GRIA1: variants seen among roughly 807,000 people sequenced by gnomAD.
The protein encoded by GRIA1 is glutamate ionotropic receptor AMPA type subunit 1, also known as glutamate receptor 1.
In GRIA1, 31 loss-of-function variants were observed where a neutral mutation model predicts 99.2. The observed-to-expected ratio is 0.31, with a 90% CI of 0.23 to 0.42. GRIA1 has a LOEUF of 0.42. GRIA1 is among the 10% of genes least tolerant of loss of function. The pLI is 1.00. For synonymous variants in GRIA1, 438 were observed against 432.4 expected (o/e 1.01, Z -0.16); for missense variants, 782 against 1,157.5 (o/e 0.68, Z 4.71).
At chr5:153,685,026 G>A (rs565998846) in intron 7 of GRIA1, among the ~76,000 whole-genome samples, 52 of 152,158 alleles carry the variant, frequency 3.4e-4, no homozygotes, top group African/African-American at 1.0e-3. Flanking sequence ...CTTCTTATAC[G>A]TTCTAACAAC....
At chr5:153,606,671 A>G (rs975935057) in intron 2 of GRIA1, among the ~76,000 whole-genome samples, 1 of 151,944 alleles carries the variant, frequency 6.6e-6, no homozygotes, top group Admixed American at 6.6e-5. Flanking sequence ...TTAAAATATT[A>G]TGTCATAATT....
chr5:153,651,189 G>T (rs1180068942), intron 4 of GRIA1, among the ~76,000 whole-genome samples: 1 of 152,162 alleles, frequency 6.6e-6, no homozygotes, highest in Non-Finnish European at 1.5e-5. Flanking sequence ...TTCGACTCTG[G>T]ACTCTGTCAC....
chr5:153,664,564 C>T (rs1219242966), intron 5 of GRIA1, among the ~76,000 whole-genome samples: 2 of 151,970 alleles, frequency 1.3e-5, no homozygotes, highest in African/African-American at 4.8e-5. Flanking sequence ...CCCTGAGCTC[C>T]AAGATCAAGT....
intron 11 of GRIA1, among the ~76,000 whole-genome samples, chr5:153,722,691 A>G (rs1276368434): frequency 6.6e-6 from 1 of 152,210 alleles, no homozygotes; most frequent in Admixed American, 6.5e-5. Context: ...GTATTACCTT[A>G]TCTTAACTAC....
intron 2 of GRIA1, among the ~76,000 whole-genome samples, chr5:153,629,986 A>C (rs1297550466): frequency 6.6e-6 from 1 of 152,194 alleles, no homozygotes; most frequent in East Asian, 1.9e-4. Flanking sequence ...GTTGCAAGGT[A>C]GTTTAGCAAA....
At chr5:153,606,648 AT>A (rs1434535239) in intron 2 of GRIA1, among the ~76,000 whole-genome samples, 2 of 152,010 alleles carry the variant, frequency 1.3e-5, no homozygotes, top group Non-Finnish European at 2.9e-5. Flanking sequence ...TTTTGATATT[AT>A]AAAAAGTGTT....
At chr5:153,800,455 G>A (rs776942118) in intron 14 of GRIA1, among the ~76,000 whole-genome samples, 11 of 152,214 alleles carry the variant, frequency 7.2e-5, no homozygotes, top group Non-Finnish European at 1.3e-4. Context: ...ACCAAGCACT[G>A]AACTCATTTT....
chr5:153,564,436 A>C (rs967472613), intron 2 of GRIA1, among the ~76,000 whole-genome samples: 3 of 152,184 alleles, frequency 2.0e-5, no homozygotes, highest in Admixed American at 2.0e-4. Context: ...TTGCCCCCAA[A>C]CTCGGTGACT....
At chr5:153,571,984 A>C (rs1056020602) in intron 2 of GRIA1, among the ~76,000 whole-genome samples, 2 of 152,198 alleles carry the variant, frequency 1.3e-5, no homozygotes, top group African/African-American at 4.8e-5. Context: ...AAGTCATATA[A>C]GAGCCTTTTA....
intron 11 of GRIA1, among the ~76,000 whole-genome samples, chr5:153,717,800 T>C (rs1759772796): frequency 6.6e-6 from 1 of 152,162 alleles, no homozygotes; most frequent in Non-Finnish European, 1.5e-5. Context: ...CTTCTGGGAT[T>C]CAAAGGGTCC....
chr5:153,668,542 A>G (rs1362623113), intron 5 of GRIA1, among the ~76,000 whole-genome samples: 3 of 152,292 alleles, frequency 2.0e-5, no homozygotes, highest in Middle Eastern at 3.4e-3. Context: ...GTAAATTACT[A>G]TTTTCTATAT....
intron 2 of GRIA1, among the ~76,000 whole-genome samples, chr5:153,534,538 G>A (rs1363371969): frequency 1.3e-5 from 2 of 152,220 alleles, no homozygotes; most frequent in African/African-American, 2.4e-5. Flanking sequence ...CTCCAGTCAT[G>A]GGATGGATAC....
chr5:153,502,493 C>T lies in GRIA1; in HGVS notation c.220+8428C>T, dbSNP rs543672310. 1.2e-4 allele frequency among the ~76,000 whole-genome samples: 19 copies of T among 152,276 alleles called. No individual in the cohort carries two copies. In the South Asian group the frequency reaches 1.5e-3, roughly 12 times the overall value. On this transcript the variant is annotated intron_variant, in intron 2 of 15. Coordinates refer to ENST00000285900, the MANE Select transcript of GRIA1 (RefSeq NM_000827.4). ...AATCAGGTGTAAGTCCAATTGAAAG[C>T]TCATTTTAGCTCCCGCTGGACTATT...
At chr5:153,678,106 C>T (rs1403218926) in intron 7 of GRIA1, among the ~76,000 whole-genome samples, 3 of 152,202 alleles carry the variant, frequency 2.0e-5, no homozygotes, top group African/African-American at 7.2e-5. Flanking sequence ...ACCCACCCTC[C>T]CCAACAAATG....
chr5:153,501,250 C>G (rs1202156620), intron 2 of GRIA1, among the ~76,000 whole-genome samples: 1 of 152,112 alleles, frequency 6.6e-6, no homozygotes, highest in Non-Finnish European at 1.5e-5. Flanking sequence ...GAAAGCAGCC[C>G]TGTGCTCATG....
chr5:153,710,072 T>C (rs1174696678), intron 11 of GRIA1, among the ~76,000 whole-genome samples: 1 of 152,308 alleles, frequency 6.6e-6, no homozygotes, highest in African/African-American at 2.4e-5. Flanking sequence ...TTGAAATGTA[T>C]ATTCAATAAA....
intron 11 of GRIA1, among the ~76,000 whole-genome samples, chr5:153,748,815 T>C (rs370354288): frequency 6.6e-6 from 1 of 152,170 alleles, no homozygotes; most frequent in East Asian, 1.9e-4. Flanking sequence ...TTCTATTTAT[T>C]TGCACATTTT....
intron 11 of GRIA1, among the ~76,000 whole-genome samples, chr5:153,745,589 CAAAAAAAAAA>C (rs58166158): frequency 3.0e-5 from 3 of 100,886 alleles, no homozygotes; most frequent in Admixed American, 1.1e-4. Context: ...AACTCTGTCT[CAAAAAAAAAA>C]AAAAAAAAAA....
chr5:153,670,128 T>C (rs1054392712), intron 5 of GRIA1, among the ~76,000 whole-genome samples: 1 of 152,224 alleles, frequency 6.6e-6, no homozygotes, highest in African/African-American at 2.4e-5. Flanking sequence ...AGTTTATTGG[T>C]CAATTTCTTT....
Sources: gnomAD v4.1 joint callset for allele counts (sites outside exome capture counted in the v4.1 genomes callset) on GRCh38, gnomAD v4.1.1 for gene constraint, MANE v1.5 for transcripts, NCBI Gene and HGNC (gene_info 2026-07-23, HGNC 2026-07-21) for gene names.